The following FARP1 variants were observed in gnomAD, a reference collection of about 807,000 sequenced individuals.
The protein encoded by FARP1 is FERM, ARHGEF and pleckstrin domain-containing protein 1.
FARP1 carries 52 observed loss-of-function variants against 128.8 expected under a neutral mutation model. The observed-to-expected ratio is 0.40, with a 90% CI of 0.32 to 0.51. FARP1 has a LOEUF of 0.51. Among genes scored for constraint, FARP1 ranks in the 20% least tolerant of loss-of-function variants. FARP1 has a pLI of 0.45. For synonymous variants in FARP1, 580 were observed against 551.8 expected, an observed-to-expected ratio of 1.05 and a Z score of -0.72; for missense variants, 1,333 against 1,367.9, an observed-to-expected ratio of 0.97 and a Z score of 0.40.
intron 1 of FARP1, among the ~76,000 whole-genome samples, chr13:98,186,178 C>G (rs1878855922): frequency 6.6e-6 from 1 of 152,118 alleles, no homozygotes; most frequent in African/African-American, 2.4e-5. Context: ...ACGATCTTGG[C>G]TCACCGCAAC....
At chr13:98,299,991 C>A (rs1443631908) in intron 2 of FARP1, among the ~76,000 whole-genome samples, 1 of 152,192 alleles carries the variant, frequency 6.6e-6, no homozygotes. Context: ...TTGAAAGCTT[C>A]CTCTTTTGTT....
At chr13:98,164,807 C>T (rs1877127093) in intron 1 of FARP1, among the ~76,000 whole-genome samples, 1 of 152,132 alleles carries the variant, frequency 6.6e-6, no homozygotes. Flanking sequence ...GGGTCGGCCG[C>T]AGTGGCTCAC....
Position 98,176,102 on chromosome 13 carries a change from T to C in FARP1, c.-24+32610T>C, listed in dbSNP as rs1413464026. 7 of 1,412,722 alleles carry C rather than the reference T, an allele frequency of 5.0e-6. No homozygotes were observed. Among genetic ancestry groups the C allele is most frequent in the Non-Finnish European group, 7.0e-6 (7 of 1,007,100 alleles). The allele number at this position is 1,412,722 out of a possible 1,614,324, so 87.5% of individuals were successfully genotyped here. The stretch of plus-strand genomic sequence containing the variant: ...GCATGGGATTGCAGGAAGACTGTCA[T>C]CTCTCTCATCTTACTCAACAGGCTG... On this transcript the variant is annotated intron_variant, in intron 1 of 26. Coordinates refer to ENST00000319562, the MANE Select transcript of FARP1 (RefSeq NM_005766.4). This position sits in a 1 kb window ranked among gnomAD's most constrained non-coding sequence, Gnocchi z 6.2.
intron 2 of FARP1, among the ~76,000 whole-genome samples, chr13:98,331,408 A>G (rs920433838): frequency 1.2e-4 from 19 of 152,094 alleles, no homozygotes; most frequent in Non-Finnish European, 2.4e-4. Flanking sequence ...TAGAGACCCC[A>G]TTTCCCACCT....
rs1467963704 is a variant in FARP1, at chr13:98,187,682, T to G, written c.-23-25538T>G. 3.3e-5 allele frequency among the ~76,000 whole-genome samples: 5 copies of G among 152,112 alleles called. No homozygotes were observed. The East Asian group carries it at 9.6e-4, about 29-fold the overall frequency. On this transcript the variant is annotated intron_variant, in intron 1 of 26. Transcript: ENST00000319562. ...GGAGAGCAACATGGTTATAGCTGAG[T>G]GGAAATCATTTGAGTCCAGAAGTTG... is the stretch of plus-strand genomic sequence containing the variant.
At chr13:98,282,598 AT>A (rs1181011851) in intron 2 of FARP1, among the ~76,000 whole-genome samples, 1 of 152,174 alleles carries the variant, frequency 6.6e-6, no homozygotes, top group East Asian at 1.9e-4. Flanking sequence ...GGATTAAAAG[AT>A]TTGACCTTAA....
chr13:98,208,157 A>G (rs1357226386), intron 1 of FARP1, among the ~76,000 whole-genome samples: 1 of 152,126 alleles, frequency 6.6e-6, no homozygotes, highest in Non-Finnish European at 1.5e-5. Flanking sequence ...GGCAGAAGTG[A>G]GAAAGGCACT....
At chr13:98,169,997 G>C (rs1877539741) in intron 1 of FARP1, among the ~76,000 whole-genome samples, 1 of 152,038 alleles carries the variant, frequency 6.6e-6, no homozygotes, top group African/African-American at 2.4e-5. Context: ...TACTTTCTAT[G>C]AGATCTCTTC....
intron 2 of FARP1, among the ~76,000 whole-genome samples, chr13:98,269,858 G>A (rs1673197899): frequency 6.6e-6 from 1 of 152,234 alleles, no homozygotes; most frequent in African/African-American, 2.4e-5. Flanking sequence ...GCTCACGCCT[G>A]TAATTCCAGC....
chr13:98,176,088 C>T lies in FARP1; in HGVS notation c.-24+32596C>T, dbSNP rs985947870. Reference sequence around the variant, plus strand: ...GGTTACATACTCAGGCATGGGATTGCAGGAAGACTGTCATCTCTCTCATCT... The same window carrying T: ...GGTTACATACTCAGGCATGGGATTGTAGGAAGACTGTCATCTCTCTCATCT... On this transcript the variant is annotated intron_variant, in intron 1 of 26. Coordinates refer to ENST00000319562, the MANE Select transcript of FARP1 (RefSeq NM_005766.4). The surrounding 1 kb of genome is among the most constrained non-coding windows in gnomAD (Gnocchi z 6.2). The T allele has an allele frequency of 1.1e-5, 14 of 1,295,272 alleles. No homozygotes were observed. Among genetic ancestry groups the T allele is most frequent in the Admixed American group, 3.6e-5 (2 of 54,968 alleles). 80.2% of individuals were successfully genotyped at this position (1,295,272 alleles called of 1,614,324 possible).
chr13:98,289,993 A>G (rs1885372822), intron 2 of FARP1, among the ~76,000 whole-genome samples: 1 of 151,958 alleles, frequency 6.6e-6, no homozygotes, highest in Non-Finnish European at 1.5e-5. Context: ...TCTCCCCACA[A>G]CACCCCCATT....
chr13:98,244,680 G>A (rs1351376090), intron 2 of FARP1: 2 of 1,614,074 alleles, frequency 1.2e-6, no homozygotes, highest in African/African-American at 2.7e-5. Flanking sequence ...AGCGGTCACA[G>A]TCACTGAAGA....
chr13:98,347,029 CAG>C (rs1367908122), intron 3 of FARP1, among the ~76,000 whole-genome samples: 1 of 152,184 alleles, frequency 6.6e-6, no homozygotes, highest in Admixed American at 6.5e-5. Context: ...GGTCATCAGA[CAG>C]AGTCTATTTT....
At position 98,446,739 on chromosome 13, in the gene FARP1, A is replaced by AGAAAGACT; in HGVS notation, c.2979_2986dup (p.Tyr996Ter). 1 of 1,614,160 alleles carries AGAAAGACT rather than the reference A, an allele frequency of 6.2e-7. No homozygotes were observed. The highest frequency in any genetic ancestry group is 1.3e-5 in the African/African-American group (1 of 75,044). On this transcript the variant is annotated frameshift_variant, in exon 26 of 27. Transcript: ENST00000319562. LOFTEE classifies it high-confidence loss of function. ...ATCCCCTCTGAGTCCGAGAACATCC[A>AGAAAGACT]GAAAGACTACGTGTTCAAGCTGCAC...
At chr13:98,395,101 C>T (rs1890467417) in intron 12 of FARP1, 126 bp from the exon 13 acceptor site, 2 of 1,138,290 alleles carry the variant, frequency 1.8e-6, no homozygotes, top group Admixed American at 2.7e-5. Context: ...CAGAGAGCTC[C>T]GGGGCAGTTC....
At chr13:98,178,235 G>A (rs1294038221) in intron 1 of FARP1, among the ~76,000 whole-genome samples, 8 of 123,184 alleles carry the variant, frequency 6.5e-5, no homozygotes, top group South Asian at 2.6e-4. Context: ...TCGCTCTGTC[G>A]CCCAGGCTGG....
intron 20 of FARP1, 57 bp downstream of exon 20, chr13:98,438,929 C>G: frequency 6.3e-7 from 1 of 1,580,266 alleles, no homozygotes; most frequent in Non-Finnish European, 8.7e-7. Context: ...GCAAGCAAGG[C>G]TCCCAAGGCC....
chr13:98,428,946 G>A (rs545808004), intron 17 of FARP1, among the ~76,000 whole-genome samples: 14 of 152,334 alleles, frequency 9.2e-5, no homozygotes, highest in African/African-American at 3.1e-4. Context: ...ATGCAAGAGC[G>A]TGTATAACTG....
intron 2 of FARP1, among the ~76,000 whole-genome samples, chr13:98,332,167 G>A (rs1489152828): frequency 2.0e-5 from 3 of 151,930 alleles, no homozygotes; most frequent in Non-Finnish European, 4.4e-5. Flanking sequence ...CCATCCCCAT[G>A]TCTCCAGAAC....
Sources: allele counts gnomAD v4.1 joint callset (sites outside exome capture counted in the v4.1 genomes callset), GRCh38; gene constraint gnomAD v4.1.1; non-coding constraint Gnocchi (gnomAD v3.1); transcripts MANE v1.5; gene names NCBI Gene and HGNC (gene_info 2026-07-23, HGNC 2026-07-21).